Variants in LMTK2 observed in about 807,000 individuals in gnomAD.
LMTK2 encodes lemur tail kinase 2, also known as serine/threonine-protein kinase LMTK2.
In LMTK2, 37 loss-of-function variants were observed where a neutral mutation model predicts 127.5. The observed-to-expected ratio is 0.29, with a 90% confidence interval of 0.22 to 0.38. The LOEUF (loss-of-function observed/expected upper bound fraction) is 0.38, where lower values mean the gene tolerates loss of function less well. Ranked by LOEUF, LMTK2 falls within the 10% of genes least tolerant of loss-of-function variation. LMTK2 has a pLI of 1.00. For synonymous variants in LMTK2, 819 were observed against 810.1 expected, an observed-to-expected ratio of 1.01 and a Z score of -0.19; for missense variants, 1,694 against 1,920.3, an observed-to-expected ratio of 0.88 and a Z score of 2.20.
chr7:98,180,439 C>G lies in LMTK2; in HGVS notation c.792-4612C>G, dbSNP rs904458246. ...ATACCAGTTGGTGATTATAAAGACT[C>G]TAAGGGTTAAAGCCAAAAGCCAAAA... On this transcript the variant is annotated intron_variant, in intron 7 of 13. Transcript: ENST00000297293. Among the ~76,000 whole-genome samples the G allele has an allele frequency of 3.8e-4, 58 of 152,108 alleles. 1 individual carries two copies. The highest frequency in any genetic ancestry group is 2.0e-3 in the Admixed American group (31 of 15,270).
Position 98,144,990 on chromosome 7 carries a change from G to C in LMTK2, c.376+3449G>C, listed in dbSNP as rs146325353. 1.6e-3 allele frequency among the ~76,000 whole-genome samples: 247 copies of C among 152,230 alleles called. 2 individuals carry two copies. Among genetic ancestry groups the C allele is most frequent in the African/African-American group, 5.4e-3 (225 of 41,560 alleles). Reference sequence around the variant, plus strand: ...ATAAAGCTTGTATCTGTGTTGTTTTGCAGGTGGTTGTTGTACTGGTATCCG... The same window carrying C: ...ATAAAGCTTGTATCTGTGTTGTTTTCCAGGTGGTTGTTGTACTGGTATCCG... On this transcript the variant is annotated intron_variant, in intron 3 of 13. Transcript: ENST00000297293.
intron 6 of LMTK2, among the ~76,000 whole-genome samples, chr7:98,168,493 A>T (rs939147414): frequency 6.6e-6 from 1 of 152,224 alleles, no homozygotes; most frequent in African/African-American, 2.4e-5. Flanking sequence ...TCATTCTTTC[A>T]TCCTTTCAAT....
intron 3 of LMTK2, among the ~76,000 whole-genome samples, chr7:98,144,746 CT>C (rs59204405): frequency 0.01 from 1,470 of 141,802 alleles, 14 homozygotes; most frequent in African/African-American, 0.025. Context: ...CATAGTCCTC[CT>C]TTTTTTTTTT....
intron 7 of LMTK2, among the ~76,000 whole-genome samples, chr7:98,173,287 C>T (rs890399073): frequency 6.6e-6 from 1 of 150,982 alleles, no homozygotes; most frequent in Non-Finnish European, 1.5e-5. Flanking sequence ...CGATAGTAAA[C>T]AAATCATTCT....
At chr7:98,125,588 C>A (rs1206458784) in intron 1 of LMTK2, among the ~76,000 whole-genome samples, 1 of 152,202 alleles carries the variant, frequency 6.6e-6, no homozygotes, top group African/African-American at 2.4e-5. Flanking sequence ...TGTCCCATAA[C>A]CCTCTTAACT....
intron 1 of LMTK2, among the ~76,000 whole-genome samples, chr7:98,134,119 G>C (rs1036287072): frequency 6.6e-6 from 1 of 152,208 alleles, no homozygotes; most frequent in African/African-American, 2.4e-5. Context: ...AACTCAGTCT[G>C]GCCTGCCACT....
Position 98,193,244 on chromosome 7 carries a change from A to T in LMTK2, c.2779A>T (p.Asn927Tyr). 6.2e-7 allele frequency: 1 copy of T among 1,613,738 alleles called. No individual in the cohort carries two copies. Among genetic ancestry groups the T allele is most frequent in the Non-Finnish European group, 8.5e-7 (1 of 1,180,022 alleles). ...SLPELGQELH[N>Y]KPFSEDHHSH... ...CCCGGAACTGGGACAGGAATTGCAC[A>T]ATAAACCATTTTCGGAAGACCATCA... The change falls in exon 11 of 14, where the codon AAT becomes TAT. Residue 927 changes from asparagine to tyrosine, a missense_variant. Physicochemically the swap from Asn to Tyr is moderately radical, Grantham distance 143. Around this residue, in one of 8 missense-constraint regions of LMTK2, gnomAD observed 527 missense variants for 539.8 expected, o/e 0.98. Transcript: ENST00000297293. The surrounding 1 kb of genome is among the most constrained non-coding windows in gnomAD (Gnocchi z 4.1).
chr7:98,147,179 C>T (rs535849621), intron 3 of LMTK2, among the ~76,000 whole-genome samples: 4 of 151,120 alleles, frequency 2.6e-5, no homozygotes, highest in South Asian at 2.1e-4. Context: ...TCTGTGTCTT[C>T]GGTTTTCTAC....
intron 6 of LMTK2, among the ~76,000 whole-genome samples, chr7:98,165,382 T>A (rs1207475281): frequency 6.6e-6 from 1 of 152,216 alleles, no homozygotes; most frequent in African/African-American, 2.4e-5. Flanking sequence ...AGACCCAGGC[T>A]GCGTGTGTCA....
intron 1 of LMTK2, among the ~76,000 whole-genome samples, chr7:98,112,130 C>G (rs1796209200): frequency 6.6e-6 from 1 of 152,182 alleles, no homozygotes; most frequent in African/African-American, 2.4e-5. Flanking sequence ...GTAGAACAAG[C>G]CCAGAGCTGA....
chr7:98,180,930 G>A (rs886869471), intron 7 of LMTK2, among the ~76,000 whole-genome samples: 3 of 152,100 alleles, frequency 2.0e-5, no homozygotes, highest in African/African-American at 7.2e-5. Context: ...TGAGCGCCCG[G>A]CAGACTGAGG....
chr7:98,107,270 A>G lies in LMTK2; in HGVS notation c.93A>G (p.Gln31=), dbSNP rs1254238822. 7.0e-7 allele frequency: 1 copy of G among 1,420,602 alleles called. No individual in the cohort carries two copies. Among genetic ancestry groups the G allele is most frequent in the Non-Finnish European group, 9.2e-7 (1 of 1,092,190 alleles). 88.0% of individuals were successfully genotyped at this position (1,420,602 alleles called of 1,614,324 possible). A position where few individuals can be genotyped will look rare whatever the true frequency, so the allele number is the denominator to read the frequency against. ...AGSAGAAPLP[Q]TGAGEAPPAA... is the part of the protein sequence containing the mutation. ...GTGCTGGGGCCGCGCCACTTCCGCA[A>G]ACAGGTGCAGGTGAGCGGGCCCGCG... The change falls in exon 1 of 14, where the codon CAA becomes CAG. Residue 31 remains glutamine (Q), a synonymous_variant. Transcript: ENST00000297293.
intron 1 of LMTK2, among the ~76,000 whole-genome samples, chr7:98,115,419 GA>G (rs1796264430): frequency 6.6e-6 from 1 of 151,112 alleles, no homozygotes; most frequent in East Asian, 1.9e-4. Flanking sequence ...CAAAGAAAGA[GA>G]AAAAGAAAGA....
chr7:98,173,834 A>G (rs1395027397), intron 7 of LMTK2, among the ~76,000 whole-genome samples: 1 of 152,218 alleles, frequency 6.6e-6, no homozygotes, highest in South Asian at 2.1e-4. Flanking sequence ...AGGCAGGCGG[A>G]TCACAAGGTC....
At chr7:98,107,345 G>A in intron 1 of LMTK2, 65 bp downstream of exon 1, 2 of 1,046,270 alleles carry the variant, frequency 1.9e-6, no homozygotes, top group Non-Finnish European at 2.5e-6. Context: ...GGGGCGGCAG[G>A]GCCGGGCCGG....
At chr7:98,197,928 T>C (rs1205305115) in intron 11 of LMTK2, among the ~76,000 whole-genome samples, 2 of 152,330 alleles carry the variant, frequency 1.3e-5, no homozygotes, top group East Asian at 1.9e-4. Flanking sequence ...GTTTGTTTGC[T>C]GGCACTGTCT....
intron 1 of LMTK2, among the ~76,000 whole-genome samples, chr7:98,125,438 T>C (rs528894255): frequency 6.6e-6 from 1 of 152,250 alleles, no homozygotes; most frequent in South Asian, 2.1e-4. Flanking sequence ...CACTTCTTTA[T>C]TCTCAGAACC....
chr7:98,114,862 A>G (rs1012045446), intron 1 of LMTK2, among the ~76,000 whole-genome samples: 4 of 151,804 alleles, frequency 2.6e-5, no homozygotes, highest in Non-Finnish European at 5.9e-5. Flanking sequence ...TATTTTTTTT[A>G]AAACCTCTTT....
intron 3 of LMTK2, among the ~76,000 whole-genome samples, chr7:98,145,789 C>T (rs181977130): frequency 5.3e-5 from 8 of 152,262 alleles, no homozygotes; most frequent in South Asian, 4.1e-4. Context: ...TGTCCTTTGA[C>T]GCATAAAACT....
Sources: gnomAD v4.1 joint callset for allele counts (sites outside exome capture counted in the v4.1 genomes callset) on GRCh38, gnomAD v4.1.1 for gene constraint, gnomAD v4.1.1 regional missense constraint, Gnocchi (gnomAD v3.1) non-coding constraint, MANE v1.5 for transcripts, NCBI Gene and HGNC (gene_info 2026-07-23, HGNC 2026-07-21) for gene names.